Variants in SMIM43 observed in about 807,000 individuals in gnomAD.
SMIM43 encodes Nodal Enhanced MEsendoderm Peptide.
At chr4:121,765,259 C>T (rs1301521715), upstream of SMIM43, 11 of 377,298 alleles carry the variant, frequency 2.9e-5, no homozygotes, top group Non-Finnish European at 5.2e-5. Flanking sequence ...CTTTGCCTCC[C>T]CCGGCTCCGA....
intron 2 of SMIM43, among the ~76,000 whole-genome samples, chr4:121,763,484 T>G (rs1726178844): frequency 6.6e-6 from 1 of 152,130 alleles, no homozygotes; most frequent in Admixed American, 6.5e-5. Flanking sequence ...CCCCGCACTG[T>G]TTTTCAAAAG....
At chr4:121,762,587 ATTAATGAATTTGATTACAAGGAG>A (rs1726128413) in intron 3 of SMIM43, 117 bp downstream of exon 3, 1 of 152,222 alleles carries the variant, frequency 6.6e-6, no homozygotes, top group South Asian at 2.1e-4. Context: ...GAACTTGGTC[ATTAATGAATTTGATTACAAGGAG>A]TTAATAAAAT....
In SMIM43 at chr4:121,760,192, G is replaced by A. The variant is rs1725975498; in HGVS notation, c.*782C>T. The A allele has an allele frequency of 6.7e-7, 1 of 1,500,154 alleles. No homozygotes were observed. Among genetic ancestry groups the A allele is most frequent in the Non-Finnish European group, 8.9e-7 (1 of 1,122,820 alleles). The allele number at this position is 1,500,154 out of a possible 1,614,324, so 92.9% of individuals were successfully genotyped here. A position where few individuals can be genotyped will look rare whatever the true frequency, so the allele number is the denominator to read the frequency against. On this transcript the variant is annotated 3_prime_UTR_variant, in exon 6 of 6. Coordinates refer to ENST00000643802, the MANE Select transcript of SMIM43 (RefSeq NM_001384332.1). ...GTATTCTGTAGCCAGGGCATAAAAT[G>A]TTAGTTGTCCTCCCAAGATCCACCA...
chr4:121,760,552 G>A, intron 5 of SMIM43, 78 bp from the exon 6 acceptor site: 1 of 1,442,002 alleles, frequency 6.9e-7, no homozygotes. Context: ...ACCAGCACCA[G>A]CAGCTGCCTG....
At chr4:121,762,406 T>C (rs1326894149) in intron 3 of SMIM43, among the ~76,000 whole-genome samples, 3 of 152,288 alleles carry the variant, frequency 2.0e-5, no homozygotes, top group Admixed American at 2.0e-4. Context: ...CATCTACAGC[T>C]GTCAAAGTTT....
chr4:121,762,515 G>T (rs1246508724), intron 3 of SMIM43: 4 of 152,232 alleles, frequency 2.6e-5, no homozygotes, highest in African/African-American at 9.7e-5. Flanking sequence ...AGAGCTTAGA[G>T]TCAAGTTCCA....
At chr4:121,765,311 C>G (rs545280566), upstream of SMIM43, 4 of 358,788 alleles carry the variant, frequency 1.1e-5, no homozygotes, top group Admixed American at 9.4e-5. Flanking sequence ...CGCAGACTCT[C>G]CCAGCTGGCA....
chr4:121,760,735 C>T (rs1251721410), intron 5 of SMIM43, among the ~76,000 whole-genome samples: 2 of 152,222 alleles, frequency 1.3e-5, no homozygotes, highest in East Asian at 3.9e-4. Context: ...AGAATCTGTA[C>T]CTATTCAATA....
At chr4:121,764,268 CG>C (rs1318224793) in intron 1 of SMIM43, 2 of 152,142 alleles carry the variant, frequency 1.3e-5, no homozygotes, top group African/African-American at 4.8e-5. Context: ...TAAGGATCAC[CG>C]GGAGGAAGGG....
intron 1 of SMIM43, 88 bp downstream of exon 1, chr4:121,764,729 G>GC (rs1726256634): frequency 2.5e-6 from 1 of 392,906 alleles, no homozygotes; most frequent in South Asian, 1.4e-4. Flanking sequence ...CGAACGCGCT[G>GC]CGAGCCCCGG....
At chr4:121,765,289 G>A (rs1267817191), upstream of SMIM43, 2 of 368,412 alleles carry the variant, frequency 5.4e-6, no homozygotes, top group Non-Finnish European at 9.7e-6. Flanking sequence ...CCAAGGAGCT[G>A]AGGAAATCCG....
chr4:121,761,621 C>T lies in SMIM43; in HGVS notation c.*416G>A, dbSNP rs1231377431. 3 of 1,613,680 alleles carry T rather than the reference C, an allele frequency of 1.9e-6. No individual in the cohort carries two copies. The highest frequency in any genetic ancestry group is 1.7e-5 in the Admixed American group (1 of 59,946). ...TTCCCAGAAAAGCCAGTGCATGGCA[C>T]ACTCTGGGTAAATTTTCTCTCTTAT... is the stretch of plus-strand genomic sequence containing the variant. On this transcript the variant is annotated 3_prime_UTR_variant, in exon 5 of 6. Coordinates refer to ENST00000643802, the MANE Select transcript of SMIM43 (RefSeq NM_001384332.1).
chr4:121,764,953 G>A lies in SMIM43; in HGVS notation c.153C>T (p.His51=). Residue 51 remains histidine, a synonymous_variant, in exon 1 of 6, where the codon CAC becomes CAT. Transcript: ENST00000643802. The part of the protein sequence containing the change: ...GALQPGRLSV[H]REPWGFSREQ... ...CTCGGGAGAAGCCCCAAGGCTCGCG[G>A]TGCACCGAGAGGCGCCCGGGCTGGA... is the stretch of plus-strand genomic sequence containing the variant. 2.5e-6 allele frequency: 1 copy of A among 398,602 alleles called. No individual in the cohort carries two copies. The highest frequency in any genetic ancestry group is 1.3e-4 in the South Asian group (1 of 7,860). 24.7% of individuals were successfully genotyped at this position (398,602 alleles called of 1,614,324 possible). A position where few individuals can be genotyped will look rare whatever the true frequency, so the allele number is the denominator to read the frequency against.
intron 5 of SMIM43, among the ~76,000 whole-genome samples, chr4:121,760,917 C>A (rs553049119): frequency 2.0e-5 from 3 of 152,070 alleles, no homozygotes; most frequent in South Asian, 2.1e-4. Context: ...GTTTTTTTAA[C>A]CTTAATCCAT....
chr4:121,760,949 T>G (rs897488910), intron 5 of SMIM43, among the ~76,000 whole-genome samples: 8 of 152,198 alleles, frequency 5.3e-5, no homozygotes, highest in Non-Finnish European at 1.0e-4. Context: ...TTCTGCATGC[T>G]TATTAAGTTC....
chr4:121,761,756 T>A, intron 4 of SMIM43, 61 bp from the exon 5 acceptor site: 1 of 1,610,178 alleles, frequency 6.2e-7, no homozygotes, highest in Non-Finnish European at 8.5e-7. Context: ...TTTGCAGGTG[T>A]GAGTGTGATG....
rs769790666 is a variant in SMIM43, at chr4:121,760,362, T to C, written c.*612A>G. The stretch of plus-strand genomic sequence containing the variant: ...GCCAATGAGATGAAGGCAAAAGTTA[T>C]TGGGCTGCTGAGGAAGCTCTTTAAA... On this transcript the variant is annotated 3_prime_UTR_variant, in exon 6 of 6. Coordinates refer to ENST00000643802, the MANE Select transcript of SMIM43 (RefSeq NM_001384332.1). 13 of 1,613,034 alleles carry C rather than the reference T, an allele frequency of 8.1e-6. No homozygotes were observed. The highest frequency in any genetic ancestry group is 4.0e-5 in the African/African-American group (3 of 74,890).
chr4:121,761,919 A>C, intron 3 of SMIM43, 27 bp from the exon 4 acceptor site: 1 of 1,549,108 alleles, frequency 6.5e-7, no homozygotes, highest in Non-Finnish European at 8.8e-7. Flanking sequence ...ATGATGAAAT[A>C]ATAACATTTG....
intron 1 of SMIM43, chr4:121,764,291 C>T (rs1284620540): frequency 2.0e-5 from 3 of 152,114 alleles, no homozygotes; most frequent in Non-Finnish European, 2.9e-5. Flanking sequence ...TTCCTCCCTC[C>T]AAATGGACGA....
Sources: gnomAD v4.1 joint callset for allele counts (sites outside exome capture counted in the v4.1 genomes callset) on GRCh38, gnomAD v4.1.1 for gene constraint, MANE v1.5 for transcripts, NCBI Gene and HGNC (gene_info 2026-07-23, HGNC 2026-07-21) for gene names.